Variants in STAG1 observed in about 807,000 individuals in gnomAD.
STAG1 encodes the protein STAG1 cohesin complex component.
STAG1 carries 26 observed loss-of-function variants against 170.9 expected under a neutral mutation model. The observed-to-expected ratio is 0.15, with a 90% CI of 0.11 to 0.21. The LOEUF (loss-of-function observed/expected upper bound fraction) is 0.21, where lower values mean the gene tolerates loss of function less well. Ranked by LOEUF, STAG1 falls within the 10% of genes least tolerant of loss-of-function variation. The pLI is 1.00. For missense variants in STAG1, 964 were observed against 1,509.5 expected (o/e 0.64, Z 5.99); for synonymous variants, 514 against 497.7 (o/e 1.03, Z -0.44).
chr3:136,716,442 G>A lies in STAG1; in HGVS notation c.-84+35753C>T, dbSNP rs147072475. On this transcript the variant is annotated intron_variant, in intron 1 of 33. Coordinates refer to ENST00000383202, the MANE Select transcript of STAG1 (RefSeq NM_005862.3). ...CACGCCACTGCACTCCAGCCTGGGC[G>A]ACAGAGCAAAACTCCATCTCAAAAA... Among the ~76,000 whole-genome samples the A allele has an allele frequency of 9.7e-3, 1,474 of 151,974 alleles. 15 individuals carry two copies. The highest frequency in any genetic ancestry group is 0.015 in the Non-Finnish European group (1,051 of 67,958).
At chr3:136,563,649 A>C (rs566280968) in intron 5 of STAG1, among the ~76,000 whole-genome samples, 2 of 142,432 alleles carry the variant, frequency 1.4e-5, no homozygotes, top group Admixed American at 7.1e-5. Context: ...CTTTCTTACA[A>C]AAAAAAAAAA....
At chr3:136,407,277 G>C (rs896958838) in intron 21 of STAG1, among the ~76,000 whole-genome samples, 2 of 151,964 alleles carry the variant, frequency 1.3e-5, no homozygotes, top group Non-Finnish European at 2.9e-5. Flanking sequence ...CACCTGCCTC[G>C]GCCTCCCAAA....
At chr3:136,445,100 TA>T (rs2088741468) in intron 14 of STAG1, among the ~76,000 whole-genome samples, 1 of 151,622 alleles carries the variant, frequency 6.6e-6, no homozygotes, top group South Asian at 2.1e-4. Context: ...ATGACTTATG[TA>T]ATGCTCTGCC....
intron 4 of STAG1, among the ~76,000 whole-genome samples, chr3:136,585,393 G>C (rs1420609906): frequency 2.0e-5 from 3 of 152,122 alleles, no homozygotes; most frequent in East Asian, 3.9e-4. Context: ...AGTGAGCCGA[G>C]ATCACGCCGC....
chr3:136,504,591 C>G (rs891745389), intron 7 of STAG1, among the ~76,000 whole-genome samples: 4 of 152,148 alleles, frequency 2.6e-5, no homozygotes, highest in African/African-American at 9.7e-5. Context: ...CTGGAGCATT[C>G]CAACTACTCA....
At chr3:136,682,338 TC>T (rs1942363196) in intron 1 of STAG1, among the ~76,000 whole-genome samples, 1 of 151,652 alleles carries the variant, frequency 6.6e-6, no homozygotes, top group South Asian at 2.1e-4. Flanking sequence ...AACAGGAGGT[TC>T]ACTTGAACCC....
intron 1 of STAG1, among the ~76,000 whole-genome samples, chr3:136,684,728 A>T (rs1942452385): frequency 6.6e-6 from 1 of 150,404 alleles, no homozygotes; most frequent in African/African-American, 2.5e-5. Context: ...GTGAGCCAAG[A>T]TCACGACACT....
chr3:136,518,446 A>C, intron 7 of STAG1: 3 of 699,714 alleles, frequency 4.3e-6, no homozygotes, highest in Non-Finnish European at 7.8e-6. Context: ...ATTATCTTTT[A>C]ATCTATTCCT....
At chr3:136,623,748 A>C (rs184141488) in intron 2 of STAG1, among the ~76,000 whole-genome samples, 2 of 152,108 alleles carry the variant, frequency 1.3e-5, no homozygotes, top group Admixed American at 1.3e-4. Context: ...CTGAAATCAG[A>C]ATTTGGGACC....
chr3:136,478,692 T>C (rs1271073847), intron 9 of STAG1, among the ~76,000 whole-genome samples: 4 of 152,298 alleles, frequency 2.6e-5, no homozygotes, highest in South Asian at 2.1e-4. Context: ...TAGGCTCCTG[T>C]CATTGCTTAA....
At chr3:136,539,236 G>A (rs988918099) in intron 6 of STAG1, among the ~76,000 whole-genome samples, 4 of 151,880 alleles carry the variant, frequency 2.6e-5, no homozygotes, top group African/African-American at 7.3e-5. Context: ...TATCATATCC[G>A]TAATATTTCC....
intron 15 of STAG1, 59 bp from the exon 16 acceptor site, chr3:136,433,718 A>C (rs2088376543): frequency 2.6e-6 from 3 of 1,148,162 alleles, no homozygotes; most frequent in Non-Finnish European, 3.9e-6. Flanking sequence ...CCATGTATTA[A>C]AAATGAACAC....
At position 136,405,830 on chromosome 3, in the gene STAG1, G is replaced by C. The variant is rs1235302852; in HGVS notation, c.2197-7001C>G. On this transcript the variant is annotated intron_variant, in intron 21 of 33. Coordinates refer to ENST00000383202, the MANE Select transcript of STAG1 (RefSeq NM_005862.3). The stretch of plus-strand genomic sequence containing the variant: ...AAAAAAAAAAAAAAAAAGGAAAAAT[G>C]TTAAAAGCATGATGAGATACCACTA... Among the ~76,000 whole-genome samples, 3 of 103,384 alleles carry C rather than the reference G, an allele frequency of 2.9e-5. No individual in the cohort carries two copies. In the South Asian group the frequency reaches 1.0e-3, roughly 35 times the overall value. The allele number at this position is 103,384 out of a possible 152,430, so 67.8% of individuals were successfully genotyped here. A position where few individuals can be genotyped will look rare whatever the true frequency, so the allele number is the denominator to read the frequency against.
At chr3:136,732,237 T>TAAA (rs71134406) in intron 1 of STAG1, among the ~76,000 whole-genome samples, 95 of 85,598 alleles carry the variant, frequency 1.1e-3, no homozygotes, top group Non-Finnish European at 8.6e-4. Flanking sequence ...TATCCACAAC[T>TAAA]AAAAAAAAAA....
chr3:136,349,814 T>C (rs1169915498), intron 28 of STAG1, among the ~76,000 whole-genome samples: 2 of 152,226 alleles, frequency 1.3e-5, no homozygotes, highest in Non-Finnish European at 2.9e-5. Context: ...ATTTAAAGTA[T>C]TTGCCAATTC....
chr3:136,433,534 AT>A (rs763969392), intron 16 of STAG1, 21 bp downstream of exon 16: 2 of 1,562,882 alleles, frequency 1.3e-6, no homozygotes, highest in South Asian at 2.3e-5. Context: ...CTTTTAGGAG[AT>A]TTCTCACTAA....
At chr3:136,694,306 A>C (rs1942813142) in intron 1 of STAG1, among the ~76,000 whole-genome samples, 1 of 152,130 alleles carries the variant, frequency 6.6e-6, no homozygotes, top group Non-Finnish European at 1.5e-5. Context: ...CCACAGGCAC[A>C]TGAGTACACT....
At position 136,337,059 on chromosome 3, in the gene STAG1, A is replaced by G. The variant is rs183112076; in HGVS notation, c.*1195T>C. On this transcript the variant is annotated 3_prime_UTR_variant, in exon 34 of 34. Coordinates refer to ENST00000383202, the MANE Select transcript of STAG1 (RefSeq NM_005862.3). The stretch of plus-strand genomic sequence containing the variant: ...CCATTGTAGACTGTCCTGAAGATTC[A>G]TAATTTCTTTCCCCAAAAGAATTAT... 1 of 152,790 alleles carries G rather than the reference A, an allele frequency of 6.5e-6. No individual in the cohort carries two copies. The highest frequency in any genetic ancestry group is 2.4e-5 in the African/African-American group (1 of 41,598). 9.5% of individuals were successfully genotyped at this position (152,790 alleles called of 1,614,324 possible). A position where few individuals can be genotyped will look rare whatever the true frequency, so the allele number is the denominator to read the frequency against.
At chr3:136,564,110 C>T (rs1936962164) in intron 5 of STAG1, among the ~76,000 whole-genome samples, 1 of 152,152 alleles carries the variant, frequency 6.6e-6, no homozygotes, top group Non-Finnish European at 1.5e-5. Context: ...CAACATGTGG[C>T]TATCCTATAG....
Sources: allele counts gnomAD v4.1 joint callset (sites outside exome capture counted in the v4.1 genomes callset), GRCh38; gene constraint gnomAD v4.1.1; transcripts MANE v1.5; gene names NCBI Gene and HGNC (gene_info 2026-07-23, HGNC 2026-07-21).